Variants in ADGRL2 observed in about 807,000 individuals in gnomAD.
The protein encoded by ADGRL2 is adhesion G protein-coupled receptor L2.
A neutral mutation model predicts 157.4 loss-of-function variants in ADGRL2; 44 were observed. The observed-to-expected ratio is 0.28, with a 90% CI of 0.22 to 0.36. The LOEUF is 0.36. ADGRL2 is among the 10% of genes least tolerant of loss of function. The pLI is 1.00. For missense variants in ADGRL2, 1,510 were observed against 1,768.9 expected, an observed-to-expected ratio of 0.85 and a Z score of 2.63; for synonymous variants, 585 against 624.7, an observed-to-expected ratio of 0.94 and a Z score of 0.95.
intron 1 of ADGRL2, among the ~76,000 whole-genome samples, chr1:81,386,655 G>C (rs2076441339): frequency 6.6e-6 from 1 of 152,082 alleles, no homozygotes; most frequent in South Asian, 2.1e-4. Flanking sequence ...ACTTTAAAAG[G>C]TCCTTTACTA....
chr1:81,668,422 A>G (rs1332358646), intron 3 of ADGRL2, among the ~76,000 whole-genome samples: 1 of 152,170 alleles, frequency 6.6e-6, no homozygotes, highest in African/African-American at 2.4e-5. Context: ...GTCAAAAAAA[A>G]AAAAAAGCAA....
At chr1:81,682,549 G>A (rs187393053) in intron 3 of ADGRL2, among the ~76,000 whole-genome samples, 8 of 152,182 alleles carry the variant, frequency 5.3e-5, no homozygotes, top group Non-Finnish European at 8.8e-5. Flanking sequence ...TTAAACAAGC[G>A]CCTTTGAATT....
At chr1:81,971,458 C>A (rs1431407348) in intron 16 of ADGRL2, among the ~76,000 whole-genome samples, 1 of 152,086 alleles carries the variant, frequency 6.6e-6, no homozygotes, top group East Asian at 1.9e-4. Flanking sequence ...TTAAGCACTT[C>A]AGCTCAGACA....
intron 2 of ADGRL2, among the ~76,000 whole-genome samples, chr1:81,524,927 G>A (rs150323274): frequency 1.7e-3 from 251 of 152,040 alleles, no homozygotes; most frequent in African/African-American, 5.8e-3. Flanking sequence ...AAATAGGATG[G>A]AATATATACA....
intron 3 of ADGRL2, chr1:81,596,521 T>A: frequency 2.6e-6 from 1 of 383,324 alleles, no homozygotes; most frequent in South Asian, 2.3e-5. Context: ...GCTGCGCGGC[T>A]CCCTGACCGA....
chr1:81,711,277 T>TA (rs1396123465), intron 1 of ADGRL2, among the ~76,000 whole-genome samples: 3 of 152,212 alleles, frequency 2.0e-5, no homozygotes, highest in Admixed American at 6.5e-5. Flanking sequence ...ATTCATTGTT[T>TA]AAAAAATATC....
chr1:81,915,057 G>T (rs1488552282), intron 3 of ADGRL2, among the ~76,000 whole-genome samples: 1 of 152,142 alleles, frequency 6.6e-6, no homozygotes, highest in Non-Finnish European at 1.5e-5. Context: ...AGAAAAGAGA[G>T]AAATAATGTC....
chr1:81,409,428 T>C (rs1468619994), intron 1 of ADGRL2, among the ~76,000 whole-genome samples: 1 of 152,182 alleles, frequency 6.6e-6, no homozygotes, highest in Non-Finnish European at 1.5e-5. Flanking sequence ...GCAGCTACAG[T>C]ATAGCTCTAA....
At chr1:81,391,710 A>G (rs189552168) in intron 1 of ADGRL2, among the ~76,000 whole-genome samples, 4 of 151,578 alleles carry the variant, frequency 2.6e-5, no homozygotes, top group African/African-American at 9.7e-5. Flanking sequence ...CTTACACTTC[A>G]CTCTCCAAAC....
At chr1:81,889,869 G>A (rs905191559) in intron 2 of ADGRL2, among the ~76,000 whole-genome samples, 6 of 152,144 alleles carry the variant, frequency 3.9e-5, no homozygotes, top group Admixed American at 2.6e-4. Flanking sequence ...TAGGAATTAT[G>A]TTAAGTCTGA....
intron 2 of ADGRL2, among the ~76,000 whole-genome samples, chr1:81,874,609 TTTGTC>T (rs762434531): frequency 0.34 from 50,631 of 147,036 alleles, 9,498 homozygotes; most frequent in Middle Eastern, 0.54. Context: ...TCTTGTCTTG[TTTGTC>T]TTGTCTTGTC....
intron 3 of ADGRL2, among the ~76,000 whole-genome samples, chr1:81,926,221 A>C (rs184889979): frequency 6.6e-5 from 10 of 152,048 alleles, no homozygotes; most frequent in Non-Finnish European, 1.5e-4. Flanking sequence ...ATAGAGTATG[A>C]AAATCGAAAT....
chr1:81,785,789 C>A (rs2087015350), intron 2 of ADGRL2, among the ~76,000 whole-genome samples: 1 of 152,026 alleles, frequency 6.6e-6, no homozygotes, highest in Admixed American at 6.6e-5. Flanking sequence ...ATCAATGATT[C>A]TCATCTTGTG....
At chr1:81,522,695 T>A (rs1204118891) in intron 2 of ADGRL2, among the ~76,000 whole-genome samples, 1 of 152,300 alleles carries the variant, frequency 6.6e-6, no homozygotes, top group East Asian at 1.9e-4. Flanking sequence ...ACATTGAAAA[T>A]TATTTAAACC....
At chr1:81,390,665 G>GA (rs1487883977) in intron 1 of ADGRL2, among the ~76,000 whole-genome samples, 1 of 152,306 alleles carries the variant, frequency 6.6e-6, no homozygotes, top group Non-Finnish European at 1.5e-5. Context: ...TACAGAAAGG[G>GA]AATTATACTG....
chr1:81,397,551 C>A (rs1366622492), intron 1 of ADGRL2, among the ~76,000 whole-genome samples: 3 of 152,000 alleles, frequency 2.0e-5, no homozygotes, highest in Non-Finnish European at 4.4e-5. Context: ...GATCTCCTGA[C>A]CTCGTGATCC....
chr1:81,875,151 A>T (rs932653658), intron 2 of ADGRL2, among the ~76,000 whole-genome samples: 2 of 152,168 alleles, frequency 1.3e-5, no homozygotes, highest in Admixed American at 1.3e-4. Context: ...AAAAGTGTGG[A>T]ATAATGGGAG....
At chr1:81,713,507 A>G (rs1363608996) in intron 1 of ADGRL2, among the ~76,000 whole-genome samples, 2 of 152,220 alleles carry the variant, frequency 1.3e-5, no homozygotes, top group African/African-American at 4.8e-5. Flanking sequence ...GATGATGAGA[A>G]TGAGTGTGAT....
chr1:81,344,789 TC>T (rs1316252179), intron 1 of ADGRL2, among the ~76,000 whole-genome samples: 1 of 152,134 alleles, frequency 6.6e-6, no homozygotes, highest in African/African-American at 2.4e-5. Flanking sequence ...CTATTAATTT[TC>T]CAATTTGGCA....
Sources: allele counts gnomAD v4.1 joint callset (sites outside exome capture counted in the v4.1 genomes callset), GRCh38; gene constraint gnomAD v4.1.1; transcripts MANE v1.5; gene names NCBI Gene and HGNC (gene_info 2026-07-23, HGNC 2026-07-21).